The following CPED1 variants were observed in gnomAD, a reference collection of about 807,000 sequenced individuals.
The protein encoded by CPED1 is cadherin-like and PC-esterase domain-containing protein 1.
CPED1 carries 114 observed loss-of-function variants against 128.2 expected under a neutral mutation model. That is an observed-to-expected ratio of 0.89 (90% CI 0.76 to 1.04). CPED1 has a LOEUF of 1.04. CPED1 is among the 50% of genes least tolerant of loss of function. The probability of loss-of-function intolerance (pLI) is 0.00; values close to 1 mark genes in which losing one functional copy is unlikely to be tolerated. For missense variants in CPED1, 1,211 were observed against 1,207.1 expected (o/e 1.00, Z -0.05); for synonymous variants, 462 against 426.7 (o/e 1.08, Z -1.02).
At chr7:121,035,903 G>A (rs1329209836) in intron 3 of CPED1, among the ~76,000 whole-genome samples, 1 of 150,498 alleles carries the variant, frequency 6.6e-6, no homozygotes, top group African/African-American at 2.4e-5. Context: ...GGAGATAATG[G>A]GTTCAAATTT....
At chr7:121,149,367 G>C (rs1041345433) in intron 16 of CPED1, among the ~76,000 whole-genome samples, 1 of 152,144 alleles carries the variant, frequency 6.6e-6, no homozygotes, top group African/African-American at 2.4e-5. Flanking sequence ...TTTCAATCAT[G>C]ATCTGTTTCA....
chr7:121,273,847 C>G lies in CPED1; in HGVS notation c.2868+2417C>G, dbSNP rs534938087. On this transcript the variant is annotated intron_variant, in intron 22 of 22. Transcript: ENST00000310396. ...CTTATCCTATTTGCAAAAGTCAAGA[C>G]TTAGAAATGCAAGGGCTGTAGCCTG... Among the ~76,000 whole-genome samples, 3 of 152,176 alleles carry G rather than the reference C, an allele frequency of 2.0e-5. No homozygotes were observed. The East Asian group carries it at 5.8e-4, about 30-fold the overall frequency.
chr7:121,162,710 T>C (rs1796439046), intron 16 of CPED1, among the ~76,000 whole-genome samples: 1 of 152,244 alleles, frequency 6.6e-6, no homozygotes, highest in Non-Finnish European at 1.5e-5. Flanking sequence ...TCCATCTCAC[T>C]GTGGTGTATT....
In CPED1 at chr7:121,120,974, AAAAAAAAAAAAAAC is replaced by A. The variant is rs1405949488; in HGVS notation, c.919-3349_919-3336del. Among the ~76,000 whole-genome samples, 3 of 150,034 alleles carry A rather than the reference AAAAAAAAAAAAAAC, an allele frequency of 2.0e-5. No homozygotes were observed. In the East Asian group the frequency reaches 5.8e-4, roughly 29 times the overall value. ...TAGGACAGTTCCTGACCTAAAAAAAAAAAAAAAAAAAAACAAAAAAACTCACAGTCTAGCAGAAA... is the reference window on the plus strand; with the variant it reads ...TAGGACAGTTCCTGACCTAAAAAAAAAAAAAAACTCACAGTCTAGCAGAAA... On this transcript the variant is annotated intron_variant, in intron 7 of 22. Transcript: ENST00000310396.
chr7:121,291,979 A>T (rs1318391875), intron 22 of CPED1, among the ~76,000 whole-genome samples: 2 of 151,858 alleles, frequency 1.3e-5, no homozygotes, highest in Non-Finnish European at 2.9e-5. Context: ...CATTCCATCA[A>T]TGCCTAGTTG....
intron 16 of CPED1, among the ~76,000 whole-genome samples, chr7:121,166,423 A>G (rs1245433736): frequency 6.6e-6 from 1 of 152,212 alleles, no homozygotes; most frequent in East Asian, 1.9e-4. Flanking sequence ...TGAGACATAT[A>G]TTATATTTAC....
At chr7:121,034,538 G>A (rs534964731) in intron 3 of CPED1, among the ~76,000 whole-genome samples, 3 of 152,216 alleles carry the variant, frequency 2.0e-5, no homozygotes, top group South Asian at 4.2e-4. Context: ...GAGCCACTGC[G>A]CCTGGCCGAC....
chr7:121,265,799 A>G, intron 18 of CPED1, among the ~76,000 whole-genome samples: 1 of 151,986 alleles, frequency 6.6e-6, no homozygotes, highest in East Asian at 1.9e-4. Context: ...TCAAGTAGAC[A>G]CGACCTCTAT....
rs73436086 is a variant in CPED1 at position 121,223,688 on chromosome 7, G to A, written c.2056-13026G>A. On this transcript the variant is annotated intron_variant, in intron 16 of 22. Transcript: ENST00000310396. ...CTACTTTTTCCTAGTTTAGTCATGG[G>A]AGTTGTATATGTCCAGGAATTTATC... Among the ~76,000 whole-genome samples, 1,234 of 152,036 alleles carry A rather than the reference G, an allele frequency of 8.1e-3. 16 individuals carry two copies. The highest frequency in any genetic ancestry group is 0.028 in the African/African-American group (1,163 of 41,508).
In CPED1 at chr7:121,046,923, C is replaced by T. The variant is rs1019816782; in HGVS notation, c.470C>T (p.Ser157Phe). 6 of 1,612,138 alleles carry T rather than the reference C, an allele frequency of 3.7e-6. No individual in the cohort carries two copies. Among genetic ancestry groups the T allele is most frequent in the Non-Finnish European group, 5.1e-6 (6 of 1,178,882 alleles). Residue 157 changes from serine (S) to phenylalanine (F), a missense_variant, in exon 4 of 23, where the codon TCT becomes TTT. Coordinates refer to ENST00000310396, the MANE Select transcript of CPED1 (RefSeq NM_024913.5). ...LGSWDLLICL[S>F]SKKAEGTPCI... Reference sequence around the variant, plus strand: ...TCTTGGGATCTGCTCATTTGCCTGTCTTCTAAGAAAGCAGAAGGAACACCC... The same window carrying T: ...TCTTGGGATCTGCTCATTTGCCTGTTTTCTAAGAAAGCAGAAGGAACACCC...
At chr7:121,155,541 C>T (rs1450225238) in intron 16 of CPED1, among the ~76,000 whole-genome samples, 2 of 152,070 alleles carry the variant, frequency 1.3e-5, no homozygotes, top group Admixed American at 6.6e-5. Context: ...AATAGAAAAC[C>T]CAGCTATAAT....
intron 16 of CPED1, among the ~76,000 whole-genome samples, 186 bp from the exon 17 acceptor site, chr7:121,236,528 A>G (rs1052970860): frequency 1.3e-5 from 2 of 152,186 alleles, no homozygotes; most frequent in African/African-American, 2.4e-5. Context: ...ATGTCAAAAT[A>G]AAGATTAAAT....
At chr7:121,046,684 C>G (rs1793208489) in intron 3 of CPED1, among the ~76,000 whole-genome samples, 1 of 151,646 alleles carries the variant, frequency 6.6e-6, no homozygotes. Context: ...GAATAAAATA[C>G]TAAATATAAA....
chr7:121,123,317 A>G (rs1275736260), intron 7 of CPED1, among the ~76,000 whole-genome samples: 1 of 152,168 alleles, frequency 6.6e-6, no homozygotes, highest in Non-Finnish European at 1.5e-5. Flanking sequence ...CCGTTTTTCC[A>G]CAGGCAATCC....
chr7:121,072,393 C>G (rs974599623), intron 5 of CPED1, among the ~76,000 whole-genome samples: 1 of 151,960 alleles, frequency 6.6e-6, no homozygotes, highest in African/African-American at 2.4e-5. Flanking sequence ...AAATTCATAC[C>G]AAAAAATTTT....
At chr7:121,224,782 C>A (rs1213988864) in intron 16 of CPED1, among the ~76,000 whole-genome samples, 1 of 135,160 alleles carries the variant, frequency 7.4e-6, no homozygotes, top group African/African-American at 2.8e-5. Context: ...GGATTGCAAC[C>A]CCTGCTTTTT....
At chr7:121,220,300 G>A (rs1339063657) in intron 16 of CPED1, among the ~76,000 whole-genome samples, 1 of 152,006 alleles carries the variant, frequency 6.6e-6, no homozygotes, top group Non-Finnish European at 1.5e-5. Context: ...CGTCTACTCT[G>A]AACTTGAATG....
chr7:121,087,862 A>T (rs1489038622), intron 5 of CPED1, among the ~76,000 whole-genome samples: 3 of 151,722 alleles, frequency 2.0e-5, no homozygotes, highest in Admixed American at 2.0e-4. Context: ...GGGTTTCACC[A>T]TCTTGGCCAG....
chr7:121,130,384 C>G, intron 12 of CPED1, 90 bp downstream of exon 12: 1 of 979,168 alleles, frequency 1.0e-6, no homozygotes, highest in South Asian at 1.8e-5. Flanking sequence ...TTAAAGCAAG[C>G]AGCAACAACA....
Sources: gnomAD v4.1 joint callset for allele counts (sites outside exome capture counted in the v4.1 genomes callset) on GRCh38, gnomAD v4.1.1 for gene constraint, MANE v1.5 for transcripts, NCBI Gene and HGNC (gene_info 2026-07-23, HGNC 2026-07-21) for gene names.